DENND6A: variants seen among roughly 807,000 people sequenced by gnomAD.
DENND6A encodes protein DENND6A.
Under a neutral mutation model 95.5 loss-of-function variants are expected in DENND6A, and 43 were observed. The observed-to-expected ratio is 0.45, with a 90% CI of 0.35 to 0.58. The LOEUF is 0.58. Ranked by LOEUF, DENND6A falls within the 20% of genes least tolerant of loss-of-function variation. The pLI, the probability that DENND6A is intolerant of heterozygous loss-of-function variation, is 0.00. For synonymous variants in DENND6A, 257 were observed against 260.4 expected, an observed-to-expected ratio of 0.99 and a Z score of 0.13; for missense variants, 574 against 736.0, an observed-to-expected ratio of 0.78 and a Z score of 2.55.
intron 9 of DENND6A, among the ~76,000 whole-genome samples, chr3:57,653,251 C>G (rs1414549416): frequency 3.9e-5 from 6 of 152,018 alleles, no homozygotes; most frequent in African/African-American, 1.5e-4. Flanking sequence ...CTTTAAGGCA[C>G]CAAGTTGCAA....
rs964712432 is a variant in DENND6A at position 57,627,493 on chromosome 3, A to T, written c.*721T>A. The T allele has an allele frequency of 1.3e-5, 2 of 152,138 alleles. No individual in the cohort carries two copies. The highest frequency in any genetic ancestry group is 2.9e-5 in the Non-Finnish European group (2 of 68,032). The allele number at this position is 152,138 out of a possible 1,614,324, so 9.4% of individuals were successfully genotyped here. On this transcript the variant is annotated 3_prime_UTR_variant, in exon 20 of 20. Coordinates refer to ENST00000311128, the MANE Select transcript of DENND6A (RefSeq NM_152678.3). The stretch of plus-strand genomic sequence containing the variant: ...AGAGAAAATAAACTCTTCCATCATT[A>T]ATACTAGATGCCTTCTTGTCTTTGG...
At chr3:57,665,542 T>C (rs562504506) in intron 4 of DENND6A, among the ~76,000 whole-genome samples, 3 of 152,244 alleles carry the variant, frequency 2.0e-5, no homozygotes, top group African/African-American at 7.2e-5. Context: ...CTAAGAGACA[T>C]TTCACAGGTA....
In DENND6A at chr3:57,627,128, T is replaced by A. The variant is rs2070548696; in HGVS notation, c.*1086A>T. The A allele has an allele frequency of 6.6e-6, 1 of 152,164 alleles. No individual in the cohort carries two copies. Among genetic ancestry groups the A allele is most frequent in the Non-Finnish European group, 1.5e-5 (1 of 68,040 alleles). The allele number at this position is 152,164 out of a possible 1,614,324, so 9.4% of individuals were successfully genotyped here. ...ATTAGTTTAAACATTTAATAATATT[T>A]AAATTAGTATTTATTTAATTTTTTA... On this transcript the variant is annotated 3_prime_UTR_variant, in exon 20 of 20. Transcript: ENST00000311128.
chr3:57,661,563 AC>A lies in DENND6A; in HGVS notation c.514-13del. 1 of 1,561,466 alleles carries A rather than the reference AC, an allele frequency of 6.4e-7. No homozygotes were observed. Among genetic ancestry groups the A allele is most frequent in the Non-Finnish European group, 8.6e-7 (1 of 1,162,670 alleles). Reference sequence around the variant, plus strand: ...ATCAAAACCAAGGACTGAGGAAAAAACAAAAACAATGTTTTAAAAATTGCTT... The same window carrying A: ...ATCAAAACCAAGGACTGAGGAAAAAAAAAAACAATGTTTTAAAAATTGCTT... On this transcript the variant is annotated splice_polypyrimidine_tract_variant and intron_variant, in intron 5 of 19. Coordinates refer to ENST00000311128, the MANE Select transcript of DENND6A (RefSeq NM_152678.3).
intron 4 of DENND6A, chr3:57,665,846 T>A: frequency 3.4e-6 from 1 of 295,480 alleles, no homozygotes; most frequent in East Asian, 7.2e-5. Flanking sequence ...CCACATCTAA[T>A]TCAAGAATTT....
At chr3:57,677,764 G>C (rs2071737530) in intron 1 of DENND6A, among the ~76,000 whole-genome samples, 1 of 151,994 alleles carries the variant, frequency 6.6e-6, no homozygotes, top group Admixed American at 6.6e-5. Context: ...AATCATGGTT[G>C]CTTTTTTTCC....
intron 1 of DENND6A, among the ~76,000 whole-genome samples, chr3:57,687,350 G>A (rs774323519): frequency 1.1e-4 from 17 of 152,154 alleles, no homozygotes; most frequent in South Asian, 2.1e-4. Context: ...ATTCTGTTAC[G>A]GCTGAGAGAG....
intron 9 of DENND6A, among the ~76,000 whole-genome samples, chr3:57,647,645 C>T (rs2071106829): frequency 1.3e-5 from 2 of 152,094 alleles, no homozygotes; most frequent in Admixed American, 1.3e-4. Flanking sequence ...GACCACCTGG[C>T]ATAAGGTGTC....
chr3:57,690,366 G>A (rs569039645), intron 1 of DENND6A, among the ~76,000 whole-genome samples: 64 of 152,030 alleles, frequency 4.2e-4, no homozygotes, highest in African/African-American at 1.4e-3. Flanking sequence ...TTAGCCGGGC[G>A]TGGTGCGGGT....
At chr3:57,645,556 CTTTTA>C in intron 11 of DENND6A, 100 bp downstream of exon 11, 1 of 766,668 alleles carries the variant, frequency 1.3e-6, no homozygotes, top group South Asian at 2.4e-5. Flanking sequence ...TCAAACTTTC[CTTTTA>C]TAAGATCATT....
intron 16 of DENND6A, 40 bp downstream of exon 16, chr3:57,630,885 T>C (rs2070654014): frequency 6.2e-7 from 1 of 1,610,748 alleles, no homozygotes; most frequent in Admixed American, 1.7e-5. Context: ...AGAAGTTAAT[T>C]ACAGTTAGAG....
At chr3:57,645,853 G>T in intron 10 of DENND6A, 97 bp from the exon 11 acceptor site, 1 of 770,224 alleles carries the variant, frequency 1.3e-6, no homozygotes, top group Non-Finnish European at 2.1e-6. Flanking sequence ...TACACACAAA[G>T]GGATACTTTG....
intron 6 of DENND6A, among the ~76,000 whole-genome samples, chr3:57,661,064 A>G (rs1473408289): frequency 6.6e-6 from 1 of 152,222 alleles, no homozygotes; most frequent in Non-Finnish European, 1.5e-5. Context: ...TATCCTAAGT[A>G]TTAAAGGGAG....
intron 1 of DENND6A, among the ~76,000 whole-genome samples, chr3:57,681,118 CA>C (rs997901429): frequency 6.6e-6 from 1 of 152,018 alleles, no homozygotes; most frequent in African/African-American, 2.4e-5. Flanking sequence ...TCATAATAGC[CA>C]AAAAGTAAAA....
intron 14 of DENND6A, among the ~76,000 whole-genome samples, chr3:57,633,741 T>C (rs151014938): frequency 0.045 from 6,873 of 151,880 alleles, 224 homozygotes; most frequent in Non-Finnish European, 0.071. Flanking sequence ...AATACAAAAA[T>C]TAGCTGGGTG....
chr3:57,630,920 C>A lies in DENND6A; in HGVS notation c.1407+5G>T, dbSNP rs61017521. 4,249 of 1,613,482 alleles carry A rather than the reference C, an allele frequency of 2.6e-3. 88 individuals carry two copies. The African/African-American group carries it at 0.049, about 19-fold the overall frequency. On this transcript the variant is annotated splice_donor_5th_base_variant and intron_variant, in intron 16 of 19. Transcript: ENST00000311128. Reference sequence around the variant, plus strand: ...GGACCCAAATAGATTTGAATATATTCATACCTTCCATGGGGAAATACTTTT... The same window carrying A: ...GGACCCAAATAGATTTGAATATATTAATACCTTCCATGGGGAAATACTTTT...
At chr3:57,632,103 T>G (rs2070696368) in intron 15 of DENND6A, among the ~76,000 whole-genome samples, 1 of 142,638 alleles carries the variant, frequency 7.0e-6, no homozygotes, top group South Asian at 2.4e-4. Context: ...CACTGCAACC[T>G]CCGCCTCCCG....
chr3:57,667,753 T>C (rs1298267080), intron 3 of DENND6A, among the ~76,000 whole-genome samples: 1 of 152,190 alleles, frequency 6.6e-6, no homozygotes, highest in Admixed American at 6.5e-5. Context: ...TCATAGCAAC[T>C]TGATATTGCT....
In DENND6A at chr3:57,630,902, A is replaced by C. The variant is rs756973441; in HGVS notation, c.1407+23T>G. On this transcript the variant is annotated intron_variant, in intron 16 of 19. Transcript: ENST00000311128. ...AAGTTAATTACAGTTAGAGGACCCA[A>C]ATAGATTTGAATATATTCATACCTT... 4 of 1,612,392 alleles carry C rather than the reference A, an allele frequency of 2.5e-6. No individual in the cohort carries two copies. In the South Asian group the frequency reaches 4.4e-5, roughly 18 times the overall value.
Sources: gnomAD v4.1 joint callset for allele counts (sites outside exome capture counted in the v4.1 genomes callset) on GRCh38, gnomAD v4.1.1 for gene constraint, MANE v1.5 for transcripts, NCBI Gene and HGNC (gene_info 2026-07-23, HGNC 2026-07-21) for gene names.